PTPRD: variants seen among roughly 807,000 people sequenced by gnomAD.
PTPRD encodes the protein receptor-type tyrosine-protein phosphatase delta.
In PTPRD, 34 loss-of-function variants were observed where a neutral mutation model predicts 214.5. The observed-to-expected ratio is 0.16, with a 90% CI of 0.12 to 0.21. The LOEUF (loss-of-function observed/expected upper bound fraction) is 0.21, where lower values mean the gene tolerates loss of function less well. Among genes scored for constraint, PTPRD ranks in the 10% least tolerant of loss-of-function variants. The pLI is 1.00. For synonymous variants in PTPRD, 1,128 were observed against 845.7 expected, an observed-to-expected ratio of 1.33 and a Z score of -5.79; for missense variants, 2,545 against 2,398.7, an observed-to-expected ratio of 1.06 and a Z score of -1.27.
chr9:9,690,809 T>C (rs1299659989), intron 7 of PTPRD, among the ~76,000 whole-genome samples: 2 of 151,974 alleles, frequency 1.3e-5, no homozygotes, highest in African/African-American at 2.4e-5. Context: ...TCTATTCTGT[T>C]TCATTGGTGT....
chr9:8,317,372 A>T lies in PTPRD; in HGVS notation c.*502T>A. 4.3e-6 allele frequency: 1 copy of T among 232,886 alleles called. No individual in the cohort carries two copies. Among genetic ancestry groups the T allele is most frequent in the Non-Finnish European group, 8.5e-6 (1 of 117,580 alleles). The allele number at this position is 232,886 out of a possible 1,614,324, so 14.4% of individuals were successfully genotyped here. A position where few individuals can be genotyped will look rare whatever the true frequency, so the allele number is the denominator to read the frequency against. On this transcript the variant is annotated 3_prime_UTR_variant, in exon 46 of 46. Transcript: ENST00000381196. The stretch of plus-strand genomic sequence containing the variant: ...AGCAGTATCTTTACAATACTAAAAA[A>T]CTAAATCAAGGACTTTCTTTTTAAA...
At chr9:8,564,573 G>A (rs1171189101) in intron 14 of PTPRD, among the ~76,000 whole-genome samples, 3 of 152,032 alleles carry the variant, frequency 2.0e-5, no homozygotes, top group South Asian at 2.1e-4. Flanking sequence ...GTGGTAGTGC[G>A]TGCCTGTAAT....
intron 12 of PTPRD, among the ~76,000 whole-genome samples, chr9:8,730,845 G>C (rs368276821): frequency 6.6e-6 from 1 of 152,122 alleles, no homozygotes; most frequent in Non-Finnish European, 1.5e-5. Context: ...CATGCTGCTC[G>C]AACAGAAGTC....
chr9:10,243,349 T>A (rs1302794110), intron 3 of PTPRD, among the ~76,000 whole-genome samples: 1 of 101,582 alleles, frequency 9.8e-6, no homozygotes, highest in Non-Finnish European at 2.5e-5. Flanking sequence ...TAAATGTTAA[T>A]GTTTTATGTT....
At chr9:9,676,703 C>T (rs1326338477) in intron 7 of PTPRD, among the ~76,000 whole-genome samples, 2 of 152,144 alleles carry the variant, frequency 1.3e-5, no homozygotes, top group African/African-American at 4.8e-5. Flanking sequence ...AATCGCCACA[C>T]TGACTTCCAC....
At chr9:8,809,823 T>G (rs2096764410) in intron 11 of PTPRD, among the ~76,000 whole-genome samples, 1 of 144,562 alleles carries the variant, frequency 6.9e-6, no homozygotes, top group Non-Finnish European at 1.6e-5. Context: ...AAGTCTCTCC[T>G]TCTTAAAACA....
At chr9:9,061,475 C>T (rs1211099603) in intron 10 of PTPRD, among the ~76,000 whole-genome samples, 2 of 152,118 alleles carry the variant, frequency 1.3e-5, no homozygotes, top group Non-Finnish European at 2.9e-5. Context: ...TCTTTAGCTT[C>T]AGAGCAGTTA....
intron 5 of PTPRD, among the ~76,000 whole-genome samples, chr9:9,905,886 T>C (rs2077453231): frequency 1.3e-5 from 2 of 151,992 alleles, no homozygotes; most frequent in Non-Finnish European, 2.9e-5. Context: ...GAACCTGCCT[T>C]GACTGGAGAA....
intron 3 of PTPRD, among the ~76,000 whole-genome samples, chr9:10,184,019 C>T (rs938635643): frequency 6.6e-6 from 1 of 152,180 alleles, no homozygotes; most frequent in Non-Finnish European, 1.5e-5. Context: ...TGCACGTATA[C>T]ATCTCTTAGA....
intron 11 of PTPRD, among the ~76,000 whole-genome samples, chr9:8,909,663 T>G (rs7854826): frequency 0.22 from 34,142 of 151,830 alleles, 4,249 homozygotes; most frequent in East Asian, 0.51. Context: ...AACGGAATGC[T>G]TTTCTCCTAA....
Position 9,576,934 on chromosome 9 carries a change from C to A in PTPRD, c.-286-2153G>T, listed in dbSNP as rs192659346. ...AAAATCACATAAAGAGATTTATGTC[C>A]TTTTGTTCTATCTAGAATGTTTATC... is the stretch of plus-strand genomic sequence containing the variant. On this transcript the variant is annotated intron_variant, in intron 7 of 45. Coordinates refer to ENST00000381196, the MANE Select transcript of PTPRD (RefSeq NM_002839.4). Among the ~76,000 whole-genome samples, 47 of 152,022 alleles carry A rather than the reference C, an allele frequency of 3.1e-4. 1 individual carries two copies. The East Asian group carries it at 8.9e-3, about 29-fold the overall frequency.
intron 10 of PTPRD, among the ~76,000 whole-genome samples, chr9:9,156,464 A>T (rs142805191): frequency 2.6e-5 from 4 of 151,364 alleles, no homozygotes; most frequent in Non-Finnish European, 5.9e-5. Flanking sequence ...ATACTTTTAT[A>T]TAAGTATATA....
chr9:9,206,461 T>C (rs925980750), intron 9 of PTPRD, among the ~76,000 whole-genome samples: 2 of 152,158 alleles, frequency 1.3e-5, no homozygotes, highest in Non-Finnish European at 2.9e-5. Flanking sequence ...GAGTGTCAAC[T>C]TGATTGGACT....
chr9:8,630,778 G>A (rs555389945), intron 14 of PTPRD, among the ~76,000 whole-genome samples: 1 of 151,840 alleles, frequency 6.6e-6, no homozygotes, highest in East Asian at 1.9e-4. Flanking sequence ...TGAAACTCCA[G>A]CCAACTGAGA....
intron 37 of PTPRD, among the ~76,000 whole-genome samples, chr9:8,386,393 T>C (rs1398691364): frequency 6.6e-6 from 1 of 152,234 alleles, no homozygotes; most frequent in Non-Finnish European, 1.5e-5. Context: ...TCTAGCATAC[T>C]TCTAATTCAC....
chr9:8,515,686 G>A (rs1412791222), intron 21 of PTPRD, among the ~76,000 whole-genome samples: 1 of 152,102 alleles, frequency 6.6e-6, no homozygotes, highest in Admixed American at 6.6e-5. Context: ...AGCAAAGATT[G>A]CCAGCAAACC....
At chr9:8,735,855 T>A (rs992128970) in intron 11 of PTPRD, among the ~76,000 whole-genome samples, 1 of 144,322 alleles carries the variant, frequency 6.9e-6, no homozygotes, top group African/African-American at 2.6e-5. Flanking sequence ...GAGGTTTTGG[T>A]GAGCCAAGGT....
At position 10,611,584 on chromosome 9, in the gene PTPRD, T is replaced by C. The variant is rs976467755; in HGVS notation, c.-600+814A>G. On this transcript the variant is annotated intron_variant, in intron 2 of 45. Coordinates refer to ENST00000381196, the MANE Select transcript of PTPRD (RefSeq NM_002839.4). ...AAAAGAAATGCTACAGCTACTGACATGGTGATGTTAGCCCCAAGAGGAATA... is the reference window on the plus strand; with the variant it reads ...AAAAGAAATGCTACAGCTACTGACACGGTGATGTTAGCCCCAAGAGGAATA... 3.3e-5 allele frequency among the ~76,000 whole-genome samples: 5 copies of C among 152,284 alleles called. No individual in the cohort carries two copies. The South Asian group carries it at 6.2e-4, about 19-fold the overall frequency.
chr9:10,094,226 CTTCT>C (rs1413151489), intron 3 of PTPRD, among the ~76,000 whole-genome samples: 3 of 151,068 alleles, frequency 2.0e-5, no homozygotes, highest in Non-Finnish European at 4.4e-5. Context: ...ATAATTTTTC[CTTCT>C]TTCTTTATAT....
Sources: allele counts gnomAD v4.1 joint callset (sites outside exome capture counted in the v4.1 genomes callset), GRCh38; gene constraint gnomAD v4.1.1; transcripts MANE v1.5; gene names NCBI Gene and HGNC (gene_info 2026-07-23, HGNC 2026-07-21).